NF2: variants seen among roughly 807,000 people sequenced by gnomAD.
NF2 encodes merlin.
NF2 carries 8 observed loss-of-function variants against 83.7 expected under a neutral mutation model. The ratio of observed to expected loss-of-function variants is 0.10; its 90% CI spans 0.06 to 0.17. The LOEUF (loss-of-function observed/expected upper bound fraction) is 0.17. Among genes scored for constraint, NF2 ranks in the 10% least tolerant of loss-of-function variants. The pLI is 1.00. For synonymous variants in NF2, 266 were observed against 269.6 expected (o/e 0.99, Z 0.13); for missense variants, 533 against 744.4 (o/e 0.72, Z 3.31).
At chr22:29,675,789 A>G (rs542418590) in intron 13 of NF2, among the ~76,000 whole-genome samples, 21 of 150,346 alleles carry the variant, frequency 1.4e-4, no homozygotes, top group Admixed American at 8.0e-4. Context: ...ATTGATGCAC[A>G]TAGCACATCC....
chr22:29,694,722 C>A lies in NF2; in HGVS notation c.1738-30C>A. ...GTGTGACAGAGCGGAGGTCTTGTGC[C>A]CTCTCAGCTTCTTCTCTGCTTTCTT... On this transcript the variant is annotated intron_variant, in intron 15 of 15. Transcript: ENST00000338641. The surrounding 1 kb of genome is among the most constrained non-coding windows in gnomAD (Gnocchi z 4.1). The A allele has an allele frequency of 1.9e-6, 3 of 1,612,320 alleles. No individual in the cohort carries two copies. In the African/African-American group the frequency reaches 4.0e-5, roughly 22 times the overall value.
chr22:29,642,955 T>C (rs2065853621), intron 4 of NF2, among the ~76,000 whole-genome samples: 1 of 149,896 alleles, frequency 6.7e-6, no homozygotes, highest in Non-Finnish European at 1.5e-5. Context: ...TAAATCACTA[T>C]AGACCTTTTT....
chr22:29,678,501 A>G (rs1481809781), intron 14 of NF2, among the ~76,000 whole-genome samples, 178 bp downstream of exon 14: 1 of 152,224 alleles, frequency 6.6e-6, no homozygotes, highest in Non-Finnish European at 1.5e-5. Context: ...ATTAAGGACA[A>G]CAGATCAGCA....
At chr22:29,670,833 C>T (rs533427181) in intron 10 of NF2, among the ~76,000 whole-genome samples, 17 of 152,192 alleles carry the variant, frequency 1.1e-4, no homozygotes, top group East Asian at 1.9e-4. Context: ...CTTAAGGACA[C>T]GGGGCTGTGT....
chr22:29,687,549 C>T (rs2067300194), intron 15 of NF2, among the ~76,000 whole-genome samples: 1 of 152,204 alleles, frequency 6.6e-6, no homozygotes, highest in African/African-American at 2.4e-5. Context: ...GCCTCCCTGG[C>T]GACCTCTGGT....
chr22:29,668,314 T>G lies in NF2; in HGVS notation c.886-19T>G, dbSNP rs374589041. On this transcript the variant is annotated intron_variant, in intron 9 of 15. Coordinates refer to ENST00000338641, the MANE Select transcript of NF2 (RefSeq NM_000268.4). The stretch of plus-strand genomic sequence containing the variant: ...AAATTTGTGGATATTAACCTTTTTG[T>G]CTGCTTCTGTGGCCACAGATTCTCC... 1.9e-6 allele frequency: 3 copies of G among 1,592,588 alleles called. No homozygotes were observed. The African/African-American group carries it at 4.0e-5, about 21-fold the overall frequency.
intron 1 of NF2, among the ~76,000 whole-genome samples, chr22:29,620,752 C>G (rs2065198484): frequency 6.6e-6 from 1 of 151,794 alleles, no homozygotes; most frequent in African/African-American, 2.4e-5. Flanking sequence ...ATGGGGGTCT[C>G]CCTACGTTGG....
intron 1 of NF2, among the ~76,000 whole-genome samples, chr22:29,618,630 G>GA (rs2065135485): frequency 1.3e-5 from 2 of 152,124 alleles, no homozygotes; most frequent in Admixed American, 6.5e-5. Context: ...ATCTAGGCTG[G>GA]AATTTTACTC....
In NF2 at chr22:29,655,667, G is replaced by T. The variant is rs2066281867; in HGVS notation, c.590G>T (p.Gly197Val). 1.9e-6 allele frequency: 3 copies of T among 1,613,012 alleles called. No individual in the cohort carries two copies. Among genetic ancestry groups the T allele is most frequent in the African/African-American group, 2.7e-5 (2 of 74,666 alleles). ...RITAWYAEHR[G>V]RARDEAEMEY... is the part of the protein sequence containing the mutation. Reference sequence around the variant, plus strand: ...ACTGCTTGGTACGCAGAGCACCGAGGCCGAGCCAGGTGAGGCCCATTCATT... The same window carrying T: ...ACTGCTTGGTACGCAGAGCACCGAGTCCGAGCCAGGTGAGGCCCATTCATT... Residue 197 changes from glycine (G) to valine (V), a missense_variant, in exon 6 of 16, where the codon GGC (glycine) becomes GTC (valine). By Grantham distance (109) the Gly-to-Val change is moderately radical. Around this residue, in one of 3 missense-constraint regions of NF2, gnomAD observed 326 missense variants for 475.1 expected, o/e 0.69. Coordinates refer to ENST00000338641, the MANE Select transcript of NF2 (RefSeq NM_000268.4).
Position 29,658,255 on chromosome 22 carries a change from T to C in NF2, c.666T>C (p.Phe222=). The change falls in exon 7 of 16, where the codon TTT becomes TTC. Residue 222 remains phenylalanine, a synonymous_variant. Coordinates refer to ENST00000338641, the MANE Select transcript of NF2 (RefSeq NM_000268.4). ...QDLEMYGVNY[F]AIRNKKGTEL... ...TGGAGATGTACGGTGTGAACTACTTTGCAATCCGGGTGTGTTGAAACCTCT... is the reference window on the plus strand; with the variant it reads ...TGGAGATGTACGGTGTGAACTACTTCGCAATCCGGGTGTGTTGAAACCTCT... The C allele has an allele frequency of 6.2e-7, 1 of 1,614,170 alleles. No homozygotes were observed. Among genetic ancestry groups the C allele is most frequent in the South Asian group, 1.1e-5 (1 of 91,084 alleles).
In NF2 at chr22:29,698,559, A is replaced by T. The variant is rs1821128757; in HGVS notation, c.*3757A>T. ...TTTTCTATTCTGGGGAACGATTATAACTTAAATGATTGTTTTAATAAAAAT... is the reference window on the plus strand; with the variant it reads ...TTTTCTATTCTGGGGAACGATTATATCTTAAATGATTGTTTTAATAAAAAT... On this transcript the variant is annotated 3_prime_UTR_variant, in exon 16 of 16. Coordinates refer to ENST00000338641, the MANE Select transcript of NF2 (RefSeq NM_000268.4). The T allele has an allele frequency of 1.1e-5, 2 of 188,774 alleles. No individual in the cohort carries two copies. The highest frequency in any genetic ancestry group is 1.2e-4 in the Admixed American group (2 of 16,160). 11.7% of individuals were successfully genotyped at this position (188,774 alleles called of 1,614,324 possible).
chr22:29,639,666 C>G (rs566229576), intron 3 of NF2, among the ~76,000 whole-genome samples: 111 of 151,994 alleles, frequency 7.3e-4, no homozygotes, highest in Admixed American at 1.8e-3. Context: ...GGGCAGATCA[C>G]AAGGTCAGGA....
intron 14 of NF2, 107 bp from the exon 15 acceptor site, chr22:29,681,332 G>T: frequency 1.4e-6 from 2 of 1,382,040 alleles, no homozygotes; most frequent in South Asian, 2.3e-5. Context: ...TGAACCCCAG[G>T]CCTCAAACCC....
intron 9 of NF2, among the ~76,000 whole-genome samples, chr22:29,667,454 T>C (rs2066657073): frequency 1.3e-5 from 2 of 152,156 alleles, no homozygotes; most frequent in Admixed American, 1.3e-4. Flanking sequence ...TTGTCCAGGC[T>C]TGTCTTAAAC....
chr22:29,626,491 C>G (rs1214951570), intron 1 of NF2, among the ~76,000 whole-genome samples: 1 of 152,170 alleles, frequency 6.6e-6, no homozygotes, highest in African/African-American at 2.4e-5. Flanking sequence ...CCACTCATGC[C>G]TGTACCTTCT....
At chr22:29,686,405 C>A (rs921996939) in intron 15 of NF2, among the ~76,000 whole-genome samples, 1 of 152,172 alleles carries the variant, frequency 6.6e-6, no homozygotes, top group Admixed American at 6.5e-5. Flanking sequence ...GTTGGGAGGC[C>A]GAGGCAGGTG....
At chr22:29,605,310 G>A (rs964115328) in intron 1 of NF2, among the ~76,000 whole-genome samples, 3 of 152,154 alleles carry the variant, frequency 2.0e-5, no homozygotes, top group East Asian at 3.9e-4. Context: ...GATTACAGGC[G>A]TGCGCCACCT....
At chr22:29,672,343 G>A (rs1266693662) in intron 11 of NF2, among the ~76,000 whole-genome samples, 6 of 133,518 alleles carry the variant, frequency 4.5e-5, no homozygotes, top group Non-Finnish European at 7.7e-5. Flanking sequence ...ACGGAGTCTC[G>A]CTCTGTTGCC....
chr22:29,677,278 G>C (rs1424732843), intron 13 of NF2, among the ~76,000 whole-genome samples: 1 of 152,180 alleles, frequency 6.6e-6, no homozygotes, highest in Non-Finnish European at 1.5e-5. Context: ...GGAGGGGCTA[G>C]AAAGGCTTTG....
Sources: allele counts gnomAD v4.1 joint callset (sites outside exome capture counted in the v4.1 genomes callset), GRCh38; gene constraint gnomAD v4.1.1; regional missense constraint gnomAD v4.1.1; non-coding constraint Gnocchi (gnomAD v3.1); transcripts MANE v1.5; gene names NCBI Gene and HGNC (gene_info 2026-07-23, HGNC 2026-07-21).